The following FGF9 variants were observed in gnomAD, a reference collection of about 807,000 sequenced individuals.
FGF9 encodes the protein fibroblast growth factor 9 (glia-activating factor).
In FGF9, 3 loss-of-function variants were observed where a neutral mutation model predicts 19.9. The ratio of observed to expected loss-of-function variants is 0.15; its 90% CI spans 0.07 to 0.39. The LOEUF (loss-of-function observed/expected upper bound fraction) is 0.39. Ranked by LOEUF, FGF9 falls within the 10% of genes least tolerant of loss-of-function variation. The pLI, the probability that FGF9 is intolerant of heterozygous loss-of-function variation, is 1.00. For missense variants in FGF9, 175 were observed against 256.8 expected (o/e 0.68, Z 2.18); for synonymous variants, 107 against 106.9 (o/e 1.00, Z -0.01).
rs1871764893 is a variant in FGF9 at position 21,671,466 on chromosome 13, T to G, written c.-447T>G. On this transcript the variant is annotated 5_prime_UTR_variant, in exon 1 of 3. It removes the in-frame stop codon of an upstream open reading frame in the 5' UTR. Coordinates refer to ENST00000382353, the MANE Select transcript of FGF9 (RefSeq NM_002010.3). ...CATGCCTTCCTGGAGTCAGGATCCG[T>G]AAATTCTGACGTAGCCCGTGCATCT... 1 of 437,976 alleles carries G rather than the reference T, an allele frequency of 2.3e-6. No homozygotes were observed. Among genetic ancestry groups the G allele is most frequent in the Non-Finnish European group, 4.0e-6 (1 of 249,596 alleles). The allele number at this position is 437,976 out of a possible 1,614,324, so 27.1% of individuals were successfully genotyped here.
chr13:21,677,229 G>A (rs1346395091), intron 1 of FGF9, among the ~76,000 whole-genome samples: 2 of 152,184 alleles, frequency 1.3e-5, no homozygotes, highest in Non-Finnish European at 2.9e-5. Flanking sequence ...TGCCCAAAAT[G>A]AGCGACAGGC....
intron 1 of FGF9, among the ~76,000 whole-genome samples, chr13:21,678,482 G>A (rs1230290650): frequency 2.6e-5 from 4 of 152,084 alleles, no homozygotes; most frequent in Admixed American, 6.6e-5. Flanking sequence ...AATGAGAGAC[G>A]GCCTCTCATT....
chr13:21,684,402 G>GA (rs1872111673), intron 2 of FGF9, among the ~76,000 whole-genome samples: 1 of 152,000 alleles, frequency 6.6e-6, no homozygotes, highest in Non-Finnish European at 1.5e-5. Flanking sequence ...AACGCTCATT[G>GA]GGTTGAACTG....
chr13:21,688,839 G>A (rs916314267), intron 2 of FGF9, among the ~76,000 whole-genome samples: 2 of 151,296 alleles, frequency 1.3e-5, no homozygotes, highest in African/African-American at 2.4e-5. Context: ...ATTAGTTAGT[G>A]GACAATCGTC....
chr13:21,699,248 T>C (rs78177752), intron 2 of FGF9, among the ~76,000 whole-genome samples: 2 of 152,318 alleles, frequency 1.3e-5, no homozygotes, highest in African/African-American at 2.4e-5. Flanking sequence ...GTATTCCAGT[T>C]TGGGGTGGGG....
At chr13:21,674,772 A>G (rs1871866196) in intron 1 of FGF9, among the ~76,000 whole-genome samples, 1 of 151,360 alleles carries the variant, frequency 6.6e-6, no homozygotes, top group Non-Finnish European at 1.5e-5. Context: ...GAGTCATTAG[A>G]AATCCCGTAA....
In FGF9 at chr13:21,671,471, T is replaced by C; in HGVS notation, c.-442T>C. 2.3e-6 allele frequency: 1 copy of C among 438,610 alleles called. No individual in the cohort carries two copies. The highest frequency in any genetic ancestry group is 4.0e-6 in the Non-Finnish European group (1 of 249,970). 27.2% of individuals were successfully genotyped at this position (438,610 alleles called of 1,614,324 possible). A position where few individuals can be genotyped will look rare whatever the true frequency, so the allele number is the denominator to read the frequency against. On this transcript the variant is annotated 5_prime_UTR_variant, in exon 1 of 3. Transcript: ENST00000382353. The stretch of plus-strand genomic sequence containing the variant: ...CTTCCTGGAGTCAGGATCCGTAAAT[T>C]CTGACGTAGCCCGTGCATCTTAAAA...
At chr13:21,693,357 T>A (rs1160722444) in intron 2 of FGF9, among the ~76,000 whole-genome samples, 1 of 152,010 alleles carries the variant, frequency 6.6e-6, no homozygotes, top group Non-Finnish European at 1.5e-5. Flanking sequence ...TGCTTAGGAC[T>A]TCTCTGTGGG....
intron 2 of FGF9, among the ~76,000 whole-genome samples, chr13:21,686,772 C>T (rs775336974): frequency 2.0e-5 from 3 of 152,196 alleles, no homozygotes; most frequent in Admixed American, 6.5e-5. Context: ...GTCATGAACA[C>T]GCACATGCAG....
chr13:21,682,068 G>C (rs959285455), intron 2 of FGF9, among the ~76,000 whole-genome samples: 3 of 151,112 alleles, frequency 2.0e-5, no homozygotes, highest in Non-Finnish European at 4.4e-5. Flanking sequence ...GAGTGCAGTG[G>C]TGTAATCATT....
At chr13:21,683,803 A>G (rs902940507) in intron 2 of FGF9, among the ~76,000 whole-genome samples, 1 of 152,130 alleles carries the variant, frequency 6.6e-6, no homozygotes, top group African/African-American at 2.4e-5. Flanking sequence ...TCTCCAATCC[A>G]TTCTCCACAC....
intron 2 of FGF9, among the ~76,000 whole-genome samples, chr13:21,692,228 TCTC>T (rs752718450): frequency 9.9e-5 from 15 of 152,220 alleles, no homozygotes; most frequent in Non-Finnish European, 1.8e-4. Flanking sequence ...AGCTTTAGGT[TCTC>T]CTGCTCTATT....
chr13:21,674,719 T>G (rs1158784860), intron 1 of FGF9, among the ~76,000 whole-genome samples: 1 of 151,618 alleles, frequency 6.6e-6, no homozygotes, highest in Admixed American at 6.6e-5. Flanking sequence ...TTTTTTTTTT[T>G]GATGCAGTCA....
chr13:21,677,232 C>A (rs150813384), intron 1 of FGF9, among the ~76,000 whole-genome samples: 1 of 152,176 alleles, frequency 6.6e-6, no homozygotes, highest in Non-Finnish European at 1.5e-5. Flanking sequence ...CCAAAATGAG[C>A]GACAGGCTGC....
intron 2 of FGF9, among the ~76,000 whole-genome samples, chr13:21,697,291 G>A (rs1872430958): frequency 6.6e-6 from 1 of 152,084 alleles, no homozygotes; most frequent in African/African-American, 2.4e-5. Context: ...TTGGACTACA[G>A]GTGTGCACCA....
chr13:21,701,254 C>G lies in FGF9; in HGVS notation c.446C>G (p.Ser149Ter). ...GAAGAAAACTGGTATAATACGTACT[C>G]ATCAAACCTATATAAGCACGTGGAC... is the stretch of plus-strand genomic sequence containing the variant. Reference protein sequence around the residue: ...QFEENWYNTYSSNLYKHVDTG... With the variant: ...QFEENWYNTY The change falls in exon 3 of 3, where the codon TCA becomes TGA. Residue 149 changes from serine to a stop codon, truncating the protein, a stop_gained. Transcript: ENST00000382353. LOFTEE classifies it high-confidence loss of function. The G allele has an allele frequency of 6.2e-7, 1 of 1,613,362 alleles. No individual in the cohort carries two copies. The highest frequency in any genetic ancestry group is 8.5e-7 in the Non-Finnish European group (1 of 1,179,450).
Position 21,701,639 on chromosome 13 carries a change from T to A in FGF9, c.*204T>A. ...AGGCTTCTCCTCCTGGAGGGCTGCC[T>A]AGGGCCACTTGCTTGATTTATCATG... On this transcript the variant is annotated 3_prime_UTR_variant, in exon 3 of 3. Coordinates refer to ENST00000382353, the MANE Select transcript of FGF9 (RefSeq NM_002010.3). 1 of 608,660 alleles carries A rather than the reference T, an allele frequency of 1.6e-6. No individual in the cohort carries two copies. Among genetic ancestry groups the A allele is most frequent in the South Asian group, 1.9e-5 (1 of 52,500 alleles). 37.7% of individuals were successfully genotyped at this position (608,660 alleles called of 1,614,324 possible).
At chr13:21,681,305 G>A in intron 2 of FGF9, 160 bp downstream of exon 2, 1 of 609,004 alleles carries the variant, frequency 1.6e-6, no homozygotes, top group Admixed American at 2.6e-5. Context: ...TTTATTAATA[G>A]ATAAACAGCT....
At chr13:21,700,015 G>GGTGTGTGTGTGT (rs3076108) in intron 2 of FGF9, among the ~76,000 whole-genome samples, 5 of 146,822 alleles carry the variant, frequency 3.4e-5, no homozygotes, top group African/African-American at 1.0e-4. Context: ...TTTGGGATGT[G>GGTGTGTGTGTGT]GTGTGTGTGT....
Sources: allele counts gnomAD v4.1 joint callset (sites outside exome capture counted in the v4.1 genomes callset), GRCh38; gene constraint gnomAD v4.1.1; transcripts MANE v1.5; gene names NCBI Gene and HGNC (gene_info 2026-07-23, HGNC 2026-07-21).